RASGRF2: variants seen among roughly 807,000 people sequenced by gnomAD.
The protein encoded by RASGRF2 is Ras protein specific guanine nucleotide releasing factor 2, also known as ras-specific guanine nucleotide-releasing factor 2.
A neutral mutation model predicts 151.0 loss-of-function variants in RASGRF2; 76 were observed. The ratio of observed to expected loss-of-function variants is 0.50; its 90% CI spans 0.42 to 0.61. RASGRF2 has a LOEUF of 0.61. Among genes scored for constraint, RASGRF2 ranks in the 20% least tolerant of loss-of-function variants. RASGRF2 has a pLI of 0.00. For synonymous variants in RASGRF2, 504 were observed against 566.5 expected (o/e 0.89, Z 1.57); for missense variants, 1,148 against 1,564.6 (o/e 0.73, Z 4.49).
intron 1 of RASGRF2, among the ~76,000 whole-genome samples, chr5:80,983,121 T>C (rs901414370): frequency 6.6e-6 from 1 of 152,232 alleles, no homozygotes; most frequent in South Asian, 2.1e-4. Flanking sequence ...CCTTACTTGA[T>C]AACCTGTTCT....
intron 18 of RASGRF2, among the ~76,000 whole-genome samples, chr5:81,189,772 T>C (rs10045625): frequency 0.55 from 82,115 of 148,134 alleles, 23,087 homozygotes; most frequent in Middle Eastern, 0.76. Flanking sequence ...AGTTCAGTGG[T>C]GCAATCTTGG....
At chr5:80,989,234 G>A (rs375486586) in intron 1 of RASGRF2, among the ~76,000 whole-genome samples, 98 of 152,240 alleles carry the variant, frequency 6.4e-4, no homozygotes, top group South Asian at 2.1e-3. Flanking sequence ...GTCTCCCAAA[G>A]TGCTGGGATT....
rs11346643 is a variant in RASGRF2 at position 81,195,574 on chromosome 5, C to CT, written c.2794-5742dup. Among the ~76,000 whole-genome samples the CT allele has an allele frequency of 3.3e-3, 471 of 141,086 alleles. 3 individuals carry two copies. Among genetic ancestry groups the CT allele is most frequent in the African/African-American group, 7.2e-3 (274 of 38,080 alleles). The allele number at this position is 141,086 out of a possible 152,430, so 92.6% of individuals were successfully genotyped here. A position where few individuals can be genotyped will look rare whatever the true frequency, so the allele number is the denominator to read the frequency against. On this transcript the variant is annotated intron_variant, in intron 18 of 26. Transcript: ENST00000265080. Reference sequence around the variant, plus strand: ...CTTCTTGAGATTTTTTTTTTGTGACCTTTTTTTTTTTTTTGATAGATAAAC... The same window carrying CT: ...CTTCTTGAGATTTTTTTTTTGTGACCTTTTTTTTTTTTTTTGATAGATAAAC...
intron 1 of RASGRF2, among the ~76,000 whole-genome samples, chr5:81,033,310 A>G (rs1158823122): frequency 6.3e-5 from 9 of 142,718 alleles, no homozygotes; most frequent in Admixed American, 6.0e-4. Context: ...TCAAGTTCAT[A>G]TGGAAGCAAA....
intron 17 of RASGRF2, among the ~76,000 whole-genome samples, chr5:81,171,375 G>A (rs2112659289): frequency 6.6e-6 from 1 of 152,264 alleles, no homozygotes; most frequent in South Asian, 2.1e-4. Flanking sequence ...GGTGAATATT[G>A]TTTCACATCA....
chr5:81,200,013 G>A (rs181916623), intron 18 of RASGRF2, among the ~76,000 whole-genome samples: 83 of 151,686 alleles, frequency 5.5e-4, no homozygotes, highest in African/African-American at 1.2e-3. Context: ...GCTCACGGTC[G>A]TAATCCCAGC....
At chr5:80,977,290 T>G (rs1748151274) in intron 1 of RASGRF2, among the ~76,000 whole-genome samples, 1 of 152,184 alleles carries the variant, frequency 6.6e-6, no homozygotes, top group Non-Finnish European at 1.5e-5. Context: ...GTTCAAGTTC[T>G]AGATCCATCT....
At chr5:81,055,928 A>G (rs1751192246) in intron 2 of RASGRF2, among the ~76,000 whole-genome samples, 1 of 152,078 alleles carries the variant, frequency 6.6e-6, no homozygotes, top group Non-Finnish European at 1.5e-5. Flanking sequence ...AGAGGTGTTT[A>G]TAGTATTCTC....
chr5:81,053,023 C>T (rs1019165281), intron 2 of RASGRF2, among the ~76,000 whole-genome samples: 3 of 151,964 alleles, frequency 2.0e-5, no homozygotes, highest in African/African-American at 7.2e-5. Context: ...TCTTAAGTGA[C>T]TTTTACATTA....
chr5:81,151,092 G>A (rs1226645184), intron 17 of RASGRF2, among the ~76,000 whole-genome samples: 2 of 152,156 alleles, frequency 1.3e-5, no homozygotes, highest in African/African-American at 4.8e-5. Context: ...GAAAGGCTAG[G>A]TTAATAATAT....
intron 1 of RASGRF2, among the ~76,000 whole-genome samples, chr5:80,976,215 C>T (rs769999766): frequency 2.0e-5 from 3 of 152,086 alleles, no homozygotes; most frequent in Non-Finnish European, 4.4e-5. Flanking sequence ...TTGTGTTATA[C>T]GACTGTAAGA....
At chr5:81,146,764 A>G (rs1038898057) in intron 17 of RASGRF2, among the ~76,000 whole-genome samples, 2 of 152,182 alleles carry the variant, frequency 1.3e-5, no homozygotes, top group Non-Finnish European at 2.9e-5. Flanking sequence ...GAATTTTTAA[A>G]CACAAGGTGT....
intron 1 of RASGRF2, among the ~76,000 whole-genome samples, chr5:80,994,199 A>ACC (rs1412457565): frequency 6.6e-6 from 1 of 151,934 alleles, no homozygotes; most frequent in Non-Finnish European, 1.5e-5. Context: ...CCCCGTCTCT[A>ACC]ATAAAAATAC....
At chr5:81,152,758 A>G (rs1754166728) in intron 17 of RASGRF2, among the ~76,000 whole-genome samples, 1 of 152,230 alleles carries the variant, frequency 6.6e-6, no homozygotes, top group African/African-American at 2.4e-5. Context: ...TTTATTCAGG[A>G]GAAAGTACTG....
chr5:81,087,086 G>A, intron 9 of RASGRF2, 133 bp downstream of exon 9: 1 of 831,814 alleles, frequency 1.2e-6, no homozygotes, highest in East Asian at 2.4e-5. Flanking sequence ...GGCCTTCGCC[G>A]AGGCGGTGGT....
intron 2 of RASGRF2, among the ~76,000 whole-genome samples, chr5:81,060,450 G>T (rs1751394060): frequency 6.6e-6 from 1 of 151,178 alleles, no homozygotes; most frequent in Non-Finnish European, 1.5e-5. Flanking sequence ...TGTAACCTCT[G>T]CCCCCCTACT....
At chr5:80,975,909 A>G (rs186847689) in intron 1 of RASGRF2, among the ~76,000 whole-genome samples, 1 of 148,962 alleles carries the variant, frequency 6.7e-6, no homozygotes, top group East Asian at 2.0e-4. Context: ...GCTGGAGTGC[A>G]ATGGCACGAT....
chr5:81,219,927 A>G (rs950107262), intron 26 of RASGRF2, 149 bp downstream of exon 26: 19 of 453,076 alleles, frequency 4.2e-5, no homozygotes, highest in Admixed American at 3.8e-4. Context: ...GTCTGATTAA[A>G]AAAAAAAAAA....
chr5:81,189,022 C>T (rs971498867), intron 18 of RASGRF2, among the ~76,000 whole-genome samples: 1 of 152,234 alleles, frequency 6.6e-6, no homozygotes, highest in African/African-American at 2.4e-5. Context: ...ACTTTTGACC[C>T]TGAGTCTATT....
Sources: allele counts gnomAD v4.1 joint callset (sites outside exome capture counted in the v4.1 genomes callset), GRCh38; gene constraint gnomAD v4.1.1; transcripts MANE v1.5; gene names NCBI Gene and HGNC (gene_info 2026-07-23, HGNC 2026-07-21).